Variants in CATSPERE observed in about 807,000 individuals in gnomAD.
CATSPERE encodes the protein catsper channel auxiliary subunit epsilon.
A neutral mutation model predicts 114.1 loss-of-function variants in CATSPERE; 93 were observed. That is an observed-to-expected ratio of 0.81 (90% CI 0.69 to 0.97). CATSPERE has a LOEUF of 0.97. CATSPERE is among the 50% of genes least tolerant of loss of function. The pLI, the probability that CATSPERE is intolerant of heterozygous loss-of-function variation, is 0.00. For missense variants in CATSPERE, 1,058 were observed against 1,131.6 expected (o/e 0.93, Z 0.93); for synonymous variants, 341 against 384.1 (o/e 0.89, Z 1.31).
At chr1:244,484,009 T>C (rs1442468493) in intron 5 of CATSPERE, among the ~76,000 whole-genome samples, 1 of 152,196 alleles carries the variant, frequency 6.6e-6, no homozygotes, top group African/African-American at 2.4e-5. Context: ...GAATTCACTT[T>C]ATTTTTTCTA....
At chr1:244,503,464 C>G (rs1674370774) in intron 7 of CATSPERE, among the ~76,000 whole-genome samples, 1 of 152,172 alleles carries the variant, frequency 6.6e-6, no homozygotes, top group Non-Finnish European at 1.5e-5. Flanking sequence ...ATATATTAGA[C>G]CCATCTGATT....
intron 19 of CATSPERE, among the ~76,000 whole-genome samples, chr1:244,612,820 C>T (rs576942396): frequency 3.3e-5 from 5 of 152,206 alleles, no homozygotes; most frequent in African/African-American, 7.2e-5. Flanking sequence ...GCACCACGCC[C>T]GGCCAGGAGA....
chr1:244,629,492 G>T (rs1300906148), intron 20 of CATSPERE, among the ~76,000 whole-genome samples: 4 of 140,754 alleles, frequency 2.8e-5, no homozygotes, highest in African/African-American at 1.1e-4. Context: ...CATGGGACTT[G>T]TCTCTCTTAC....
chr1:244,546,547 T>C (rs1659782714), intron 8 of CATSPERE, among the ~76,000 whole-genome samples: 1 of 152,166 alleles, frequency 6.6e-6, no homozygotes, highest in Admixed American at 6.5e-5. Flanking sequence ...CATAACTGTT[T>C]TAAGGAAGCT....
intron 19 of CATSPERE, among the ~76,000 whole-genome samples, chr1:244,614,827 C>G (rs1275980243): frequency 6.6e-6 from 1 of 151,990 alleles, no homozygotes; most frequent in Non-Finnish European, 1.5e-5. Context: ...TTTTTATTTT[C>G]ATTTTTACCA....
chr1:244,478,911 C>G (rs1669791186), intron 4 of CATSPERE, among the ~76,000 whole-genome samples: 1 of 150,664 alleles, frequency 6.6e-6, no homozygotes, highest in African/African-American at 2.4e-5. Context: ...ACCTGTAATC[C>G]CAGCTACTCA....
chr1:244,533,861 G>A (rs1679976640), intron 8 of CATSPERE, among the ~76,000 whole-genome samples: 2 of 144,036 alleles, frequency 1.4e-5, no homozygotes, highest in Middle Eastern at 3.4e-3. Context: ...AGTGAGTTTT[G>A]TGCCTTCAGA....
At chr1:244,562,955 A>G (rs1292949934) in intron 10 of CATSPERE, among the ~76,000 whole-genome samples, 2 of 151,558 alleles carry the variant, frequency 1.3e-5, no homozygotes, top group African/African-American at 2.4e-5. Context: ...TCATTGTTCA[A>G]CTCCCACTTA....
chr1:244,590,508 G>T (rs1295480534), intron 14 of CATSPERE, among the ~76,000 whole-genome samples: 1 of 152,150 alleles, frequency 6.6e-6, no homozygotes, highest in African/African-American at 2.4e-5. Flanking sequence ...TCACGATGTT[G>T]TACAGCTAGC....
intron 7 of CATSPERE, among the ~76,000 whole-genome samples, chr1:244,508,316 T>A (rs532420540): frequency 6.6e-6 from 1 of 150,660 alleles, no homozygotes; most frequent in East Asian, 1.9e-4. Context: ...TTTTTTTTTT[T>A]TTGAGACAGA....
Position 244,572,789 on chromosome 1 carries a change from A to T in CATSPERE, c.1950+17A>T. On this transcript the variant is annotated intron_variant, in intron 11 of 21. Coordinates refer to ENST00000366534, the MANE Select transcript of CATSPERE (RefSeq NM_001130957.2). ...AAAACTCTGGTAAGCTAATATTTTA[A>T]ATTTCTTCATTTGATTTTAATAAGT... The T allele has an allele frequency of 6.7e-7, 1 of 1,491,344 alleles. No individual in the cohort carries two copies. The allele number at this position is 1,491,344 out of a possible 1,614,324, so 92.4% of individuals were successfully genotyped here.
At chr1:244,475,797 A>G (rs532648651) in intron 2 of CATSPERE, among the ~76,000 whole-genome samples, 1 of 152,112 alleles carries the variant, frequency 6.6e-6, no homozygotes, top group Non-Finnish European at 1.5e-5. Flanking sequence ...AGCCTCCCAA[A>G]GTGCTGGAAT....
intron 9 of CATSPERE, among the ~76,000 whole-genome samples, chr1:244,553,333 G>A (rs538813713): frequency 6.2e-4 from 94 of 151,822 alleles, no homozygotes; most frequent in African/African-American, 2.1e-3. Flanking sequence ...AGGCCGAGGC[G>A]GGCAGATCAC....
intron 20 of CATSPERE, among the ~76,000 whole-genome samples, chr1:244,623,726 G>C (rs6684900): frequency 3.3e-5 from 5 of 152,162 alleles, no homozygotes; most frequent in African/African-American, 9.7e-5. Flanking sequence ...GTTTCCCAGT[G>C]CATACAAAAC....
At chr1:244,516,769 A>T (rs1676712887) in intron 7 of CATSPERE, among the ~76,000 whole-genome samples, 1 of 152,056 alleles carries the variant, frequency 6.6e-6, no homozygotes, top group Non-Finnish European at 1.5e-5. Flanking sequence ...TGATCCACCT[A>T]CGTTGGCCTC....
chr1:244,589,704 G>A (rs1667472805), intron 14 of CATSPERE, among the ~76,000 whole-genome samples: 1 of 152,188 alleles, frequency 6.6e-6, no homozygotes, highest in South Asian at 2.1e-4. Flanking sequence ...TCAGTTCCCA[G>A]TACCGCTGCA....
At chr1:244,579,997 C>T (rs915812610) in intron 11 of CATSPERE, among the ~76,000 whole-genome samples, 1 of 152,110 alleles carries the variant, frequency 6.6e-6, no homozygotes, top group Non-Finnish European at 1.5e-5. Context: ...TACCACTACT[C>T]CTACTGCTAC....
rs1007853230 is a variant in CATSPERE at position 244,542,187 on chromosome 1, A to G, written c.537-10135A>G. Among the ~76,000 whole-genome samples, 133 of 151,580 alleles carry G rather than the reference A, an allele frequency of 8.8e-4. 3 individuals carry two copies. The highest frequency in any genetic ancestry group is 2.1e-4 in the Non-Finnish European group (14 of 67,902). On this transcript the variant is annotated intron_variant, in intron 8 of 21. Transcript: ENST00000366534. Reference sequence around the variant, plus strand: ...AAAAAAAAAGTAGAGCAGTGTTCCAACCAAGCCCTGGTGCTTTCCTGAAGC... The same window carrying G: ...AAAAAAAAAGTAGAGCAGTGTTCCAGCCAAGCCCTGGTGCTTTCCTGAAGC...
intron 17 of CATSPERE, among the ~76,000 whole-genome samples, chr1:244,605,413 T>C (rs1669854883): frequency 6.6e-6 from 1 of 152,176 alleles, no homozygotes; most frequent in South Asian, 2.1e-4. Flanking sequence ...AAAACATTTC[T>C]CCTTCATTAC....
Sources: allele counts gnomAD v4.1 joint callset (sites outside exome capture counted in the v4.1 genomes callset), GRCh38; gene constraint gnomAD v4.1.1; transcripts MANE v1.5; gene names NCBI Gene and HGNC (gene_info 2026-07-23, HGNC 2026-07-21).